The following HTR3B variants were observed in gnomAD, a reference collection of about 807,000 sequenced individuals.
HTR3B encodes 5-hydroxytryptamine (serotonin) receptor 3B, ionotropic.
HTR3B carries 44 observed loss-of-function variants against 42.8 expected under a neutral mutation model. That is an observed-to-expected ratio of 1.03 (90% CI 0.81 to 1.32). The LOEUF is 1.32. Among genes scored for constraint, HTR3B ranks in the 40% most tolerant of loss-of-function variants. The probability of loss-of-function intolerance (pLI) is 0.00; values close to 1 mark genes in which losing one functional copy is unlikely to be tolerated. For missense variants in HTR3B, 527 were observed against 536.5 expected (o/e 0.98, Z 0.17); for synonymous variants, 203 against 209.0 (o/e 0.97, Z 0.25).
Position 113,904,927 on chromosome 11 carries a change from C to A in HTR3B, c.-7C>A. The A allele has an allele frequency of 6.2e-7, 1 of 1,612,898 alleles. No homozygotes were observed. The highest frequency in any genetic ancestry group is 8.5e-7 in the Non-Finnish European group (1 of 1,179,020). ...TTGCATTTCTCCTTTTTGGGATCTG[C>A]CCAGGAATGTTGTCAAGTGTAATGG... On this transcript the variant is annotated 5_prime_UTR_variant, in exon 1 of 9. Transcript: ENST00000260191.
chr11:113,924,781 C>G (rs1949952814), intron 2 of HTR3B, among the ~76,000 whole-genome samples: 6 of 152,166 alleles, frequency 3.9e-5, no homozygotes, highest in Admixed American at 3.9e-4. Context: ...TGGGGAAATA[C>G]TTGTGAATTC....
In HTR3B at chr11:113,924,624, CAAAA is replaced by C. The variant is rs34212177; in HGVS notation, c.214-6740_214-6737del. Among the ~76,000 whole-genome samples the C allele has an allele frequency of 1.1e-4, 6 of 52,236 alleles. No homozygotes were observed. In the South Asian group the frequency reaches 6.0e-3, roughly 52 times the overall value. 34.3% of individuals were successfully genotyped at this position (52,236 alleles called of 152,430 possible). On this transcript the variant is annotated intron_variant, in intron 2 of 8. Coordinates refer to ENST00000260191, the MANE Select transcript of HTR3B (RefSeq NM_006028.5). ...TGGGCAACAAAGCAAGACCTTGTCT[CAAAA>C]AAAAAAAAAAAAAAAAAAAGCCAAG...
At chr11:113,928,667 G>C (rs946934455) in intron 2 of HTR3B, among the ~76,000 whole-genome samples, 1 of 152,138 alleles carries the variant, frequency 6.6e-6, no homozygotes, top group African/African-American at 2.4e-5. Context: ...CTCCCTCGTA[G>C]CTGGGATTAC....
Position 113,909,420 on chromosome 11 carries a change from T to G in HTR3B, c.178T>G (p.Tyr60Asp), listed in dbSNP as rs1166203711. The stretch of plus-strand genomic sequence containing the variant: ...CAACTGGACCAAGGCCACCACAGTC[T>G]ACCTGGACCTGTTCGTCCATGCTAT... ...VYNWTKATTV[Y>D]LDLFVHAILD... Residue 60 changes from tyrosine to aspartate, a missense_variant, in exon 2 of 9, where the codon TAC becomes GAC. By Grantham distance (160) the Tyr-to-Asp change is radical (BLOSUM62 -3). Coordinates refer to ENST00000260191, the MANE Select transcript of HTR3B (RefSeq NM_006028.5). The G allele has an allele frequency of 5.0e-6, 8 of 1,614,054 alleles. No individual in the cohort carries two copies. The highest frequency in any genetic ancestry group is 6.8e-6 in the Non-Finnish European group (8 of 1,180,010).
At position 113,913,350 on chromosome 11, in the gene HTR3B, A is replaced by ATTTTTTTTT. The variant is rs71063533; in HGVS notation, c.213+3919_213+3927dup. Among the ~76,000 whole-genome samples, 196 of 61,546 alleles carry ATTTTTTTTT rather than the reference A, an allele frequency of 3.2e-3. 3 individuals carry two copies. Among genetic ancestry groups the ATTTTTTTTT allele is most frequent in the African/African-American group, 5.1e-3 (71 of 13,946 alleles). The allele number at this position is 61,546 out of a possible 152,430, so 40.4% of individuals were successfully genotyped here. A position where few individuals can be genotyped will look rare whatever the true frequency, so the allele number is the denominator to read the frequency against. On this transcript the variant is annotated intron_variant, in intron 2 of 8. Transcript: ENST00000260191. ...AGGTGCCTGCCACCATGTCTGGCTA[A>ATTTTTTTTT]TTTTTTTTTTTTTTTTTTTTTTTTT...
At chr11:113,909,911 G>A (rs1249522370) in intron 2 of HTR3B, among the ~76,000 whole-genome samples, 1 of 149,732 alleles carries the variant, frequency 6.7e-6, no homozygotes, top group Non-Finnish European at 1.5e-5. Flanking sequence ...TTGAGCTTGG[G>A]TGGTTGAGGC....
At chr11:113,901,017 G>C (rs1299667468), upstream of HTR3B, among the ~76,000 whole-genome samples, 1 of 152,148 alleles carries the variant, frequency 6.6e-6, no homozygotes, top group African/African-American at 2.4e-5. Flanking sequence ...TGAAATTTGA[G>C]ATGAGATTTG....
rs1950200067 is a variant in HTR3B at position 113,948,936 on chromosome 11, G to T, written c.*2799G>T. Among the ~76,000 whole-genome samples the T allele has an allele frequency of 6.6e-6, 1 of 152,116 alleles. No individual in the cohort carries two copies. Among genetic ancestry groups the T allele is most frequent in the African/African-American group, 2.4e-5 (1 of 41,440 alleles). On this transcript the variant is annotated 3_prime_UTR_variant, in exon 9 of 9. Transcript: ENST00000260191. The stretch of plus-strand genomic sequence containing the variant: ...ATTAGAAGATATACCTAATGTTAAT[G>T]GGTGCAGCACAGCAACGTGGCACGT...
In HTR3B at chr11:113,932,364, C is replaced by T. The variant is rs372403010; in HGVS notation, c.444C>T (p.Pro148=). 1 of 1,613,554 alleles carries T rather than the reference C, an allele frequency of 6.2e-7. No individual in the cohort carries two copies. Among genetic ancestry groups the T allele is most frequent in the Non-Finnish European group, 8.5e-7 (1 of 1,179,632 alleles). Residue 148 remains proline, a synonymous_variant, in exon 5 of 9, where the codon CCC becomes CCT. Coordinates refer to ENST00000260191, the MANE Select transcript of HTR3B (RefSeq NM_006028.5). ...CTGGGACCATTGAGAACTATAAGCC[C>T]ATCCAGGTGGTCTCTGCGTGCAGTT... ...NSSGTIENYK[P]IQVVSACSLE...
intron 2 of HTR3B, among the ~76,000 whole-genome samples, chr11:113,918,267 TC>T (rs1949876148): frequency 9.6e-6 from 1 of 104,006 alleles, no homozygotes; most frequent in Non-Finnish European, 1.8e-5. Flanking sequence ...TTGTGTGTAC[TC>T]GTGTGTGTGT....
Position 113,947,992 on chromosome 11 carries a change from C to A in HTR3B, c.*1855C>A, listed in dbSNP as rs1260828123. Among the ~76,000 whole-genome samples the A allele has an allele frequency of 1.3e-5, 2 of 151,988 alleles. No individual in the cohort carries two copies. The highest frequency in any genetic ancestry group is 2.1e-4 in the South Asian group (1 of 4,816). ...AAAAATCTGCCCCCCTCCATCCCCC[C>A]AAAGAAAAAGAATTTAAATTCAAAC... On this transcript the variant is annotated 3_prime_UTR_variant, in exon 9 of 9. Transcript: ENST00000260191.
chr11:113,923,956 G>T (rs1423450407), intron 2 of HTR3B, among the ~76,000 whole-genome samples: 1 of 152,140 alleles, frequency 6.6e-6, no homozygotes, highest in East Asian at 1.9e-4. Flanking sequence ...AAAGCAATGG[G>T]CAAGAAGAGA....
At chr11:113,933,250 A>G (rs1049183442) in intron 6 of HTR3B, among the ~76,000 whole-genome samples, 157 bp downstream of exon 6, 40 of 152,146 alleles carry the variant, frequency 2.6e-4, no homozygotes, top group African/African-American at 9.7e-4. Context: ...GCATTCCAGC[A>G]TTTCACAGAG....
At chr11:113,910,932 C>A (rs1383635784) in intron 2 of HTR3B, among the ~76,000 whole-genome samples, 3 of 149,748 alleles carry the variant, frequency 2.0e-5, no homozygotes, top group Non-Finnish European at 4.4e-5. Context: ...TGGGTTCATG[C>A]CATTCTGCCT....
intron 6 of HTR3B, among the ~76,000 whole-genome samples, chr11:113,934,507 C>T (rs1198262711): frequency 1.3e-5 from 2 of 152,168 alleles, no homozygotes; most frequent in African/African-American, 4.8e-5. Context: ...ATTGAGGTTA[C>T]AGGTATCCCT....
At chr11:113,910,466 A>T (rs1202813731) in intron 2 of HTR3B, among the ~76,000 whole-genome samples, 2 of 141,002 alleles carry the variant, frequency 1.4e-5, no homozygotes, top group Admixed American at 7.3e-5. Flanking sequence ...TTTGAGACGG[A>T]GTCTCTCTCT....
intron 2 of HTR3B, among the ~76,000 whole-genome samples, chr11:113,925,967 T>G (rs1028277323): frequency 6.6e-6 from 1 of 152,182 alleles, no homozygotes; most frequent in Non-Finnish European, 1.5e-5. Flanking sequence ...CTATCTAATT[T>G]CAGAACATTT....
At chr11:113,921,177 C>T (rs113145017) in intron 2 of HTR3B, among the ~76,000 whole-genome samples, 5,430 of 150,496 alleles carry the variant, frequency 0.036, 423 homozygotes, top group East Asian at 0.29. Context: ...GTCAGAGTCT[C>T]ACTCTGTCAC....
intron 6 of HTR3B, among the ~76,000 whole-genome samples, chr11:113,936,926 G>C (rs575702488): frequency 6.6e-6 from 1 of 152,276 alleles, no homozygotes; most frequent in South Asian, 2.1e-4. Context: ...CACACATTCG[G>C]AATTAGATTG....
Sources: allele counts gnomAD v4.1 joint callset (sites outside exome capture counted in the v4.1 genomes callset), GRCh38; gene constraint gnomAD v4.1.1; transcripts MANE v1.5; gene names NCBI Gene and HGNC (gene_info 2026-07-23, HGNC 2026-07-21).